GNG2: variants seen among roughly 807,000 people sequenced by gnomAD.
GNG2 encodes the protein guanine nucleotide-binding protein G(I)/G(S)/G(O) subunit gamma-2.
A neutral mutation model predicts 5.5 loss-of-function variants in GNG2; 5 were observed. The ratio of observed to expected loss-of-function variants is 0.91; its 90% CI spans 0.48 to 1.92. The LOEUF (loss-of-function observed/expected upper bound fraction) is 1.92, where lower values mean the gene tolerates loss of function less well. Among genes scored for constraint, GNG2 ranks in the 30% most tolerant of loss-of-function variants. The pLI is 0.01. For missense variants in GNG2, 55 were observed against 88.4 expected, an observed-to-expected ratio of 0.62 and a Z score of 1.52; for synonymous variants, 28 against 32.0, an observed-to-expected ratio of 0.88 and a Z score of 0.42.
intron 2 of GNG2, among the ~76,000 whole-genome samples, chr14:51,919,756 T>C (rs555511955): frequency 1.3e-5 from 2 of 152,382 alleles, no homozygotes; most frequent in South Asian, 4.1e-4. Context: ...TAATGAGCAC[T>C]GAACAACAGA....
At chr14:51,881,199 A>G (rs901425853) in intron 2 of GNG2, among the ~76,000 whole-genome samples, 4 of 152,202 alleles carry the variant, frequency 2.6e-5, no homozygotes, top group African/African-American at 4.8e-5. Flanking sequence ...AAGTTTGCCA[A>G]TGCAGCACAG....
intron 2 of GNG2, among the ~76,000 whole-genome samples, chr14:51,844,550 A>G (rs935402850): frequency 1.3e-5 from 2 of 152,058 alleles, no homozygotes; most frequent in Non-Finnish European, 2.9e-5. Context: ...AGTGTTATAT[A>G]AAGAGTTAAT....
At chr14:51,945,077 A>T (rs1888561758) in intron 2 of GNG2, among the ~76,000 whole-genome samples, 1 of 152,120 alleles carries the variant, frequency 6.6e-6, no homozygotes, top group Non-Finnish European at 1.5e-5. Flanking sequence ...CCAAAGTGAG[A>T]TACTATCTCA....
chr14:51,877,212 G>T lies in GNG2; in HGVS notation c.-70-405G>T, dbSNP rs1246095387. 1.3e-5 allele frequency among the ~76,000 whole-genome samples: 2 copies of T among 152,176 alleles called. 1 individual carries two copies. The highest frequency in any genetic ancestry group is 4.8e-5 in the African/African-American group (2 of 41,436). On this transcript the variant is annotated intron_variant, in intron 1 of 3. Coordinates refer to ENST00000556766, the MANE Select transcript of GNG2 (RefSeq NM_053064.5). ...TCCCTAATACCTGGAGCAAGAGTGT[G>T]TTGGTCTCTGCTGCTTTGGTCATGC... is the stretch of plus-strand genomic sequence containing the variant.
intron 2 of GNG2, among the ~76,000 whole-genome samples, chr14:51,838,950 T>C (rs937120497): frequency 6.6e-6 from 1 of 152,098 alleles, no homozygotes; most frequent in African/African-American, 2.4e-5. Context: ...AGTGACCCCA[T>C]AGTATGTACA....
chr14:51,868,360 A>T (rs1485914883), intron 1 of GNG2, among the ~76,000 whole-genome samples: 1 of 152,228 alleles, frequency 6.6e-6, no homozygotes, highest in Non-Finnish European at 1.5e-5. Context: ...CTCACCTCAG[A>T]GTAATTAAAT....
intron 2 of GNG2, among the ~76,000 whole-genome samples, chr14:51,854,994 C>G (rs1305787944): frequency 2.0e-5 from 3 of 152,170 alleles, no homozygotes; most frequent in Non-Finnish European, 2.9e-5. Context: ...TTACCCATCC[C>G]CTTCCTCTCC....
At position 51,933,658 on chromosome 14, in the gene GNG2, C is replaced by T. The variant is rs538126641; in HGVS notation, c.-29-16992C>T. Among the ~76,000 whole-genome samples the T allele has an allele frequency of 1.8e-4, 27 of 152,220 alleles. No individual in the cohort carries two copies. In the East Asian group the frequency reaches 5.0e-3, roughly 28 times the overall value. On this transcript the variant is annotated intron_variant, in intron 2 of 3. Transcript: ENST00000556766. ...TTGGTGAGTGAAAGAAAATGAGAGC[C>T]GCTGCTCGAGTGAAGGGGCTGCCCT...
At chr14:51,903,429 T>C (rs1243828969) in intron 2 of GNG2, among the ~76,000 whole-genome samples, 2 of 152,204 alleles carry the variant, frequency 1.3e-5, no homozygotes, top group Non-Finnish European at 2.9e-5. Flanking sequence ...CTACCATGAA[T>C]AACAAGAATT....
intron 2 of GNG2, among the ~76,000 whole-genome samples, chr14:51,831,340 G>A (rs528622912): frequency 2.0e-5 from 3 of 152,300 alleles, no homozygotes; most frequent in East Asian, 3.9e-4. Flanking sequence ...TAATCTGCAG[G>A]AGGATGGGAC....
intron 2 of GNG2, among the ~76,000 whole-genome samples, chr14:51,939,536 C>A (rs1888198210): frequency 6.6e-6 from 1 of 152,248 alleles, no homozygotes; most frequent in Admixed American, 6.5e-5. Flanking sequence ...TCTCCACCCA[C>A]ACAGCATAGA....
chr14:51,915,653 C>T (rs577418120), intron 2 of GNG2, among the ~76,000 whole-genome samples: 7 of 152,278 alleles, frequency 4.6e-5, no homozygotes, highest in Admixed American at 1.3e-4. Flanking sequence ...AGCCCTTAAA[C>T]GATTTCCCCA....
At chr14:51,950,820 T>C (rs1888932325) in intron 3 of GNG2, 55 bp downstream of exon 3, 2 of 1,028,596 alleles carry the variant, frequency 1.9e-6, no homozygotes, top group Admixed American at 5.4e-5. Context: ...GCGCATGTCA[T>C]GTGACCACTC....
At chr14:51,828,833 C>T (rs937929857) in intron 2 of GNG2, among the ~76,000 whole-genome samples, 2 of 152,222 alleles carry the variant, frequency 1.3e-5, no homozygotes, top group South Asian at 2.1e-4. Flanking sequence ...TCAGGAACAC[C>T]CCAGGGGCTC....
intron 1 of GNG2, chr14:51,873,885 C>T (rs17124696): frequency 0.099 from 15,138 of 152,156 alleles, 1,336 homozygotes; most frequent in African/African-American, 0.24. Flanking sequence ...GGACTAGGTA[C>T]GACTCCTTTA....
At chr14:51,871,983 G>A (rs910165953) in intron 1 of GNG2, among the ~76,000 whole-genome samples, 2 of 152,218 alleles carry the variant, frequency 1.3e-5, no homozygotes, top group South Asian at 4.1e-4. Flanking sequence ...GAACAGAAGT[G>A]AGGTGCATCA....
At chr14:51,856,365 C>T (rs1882157498), upstream of GNG2, among the ~76,000 whole-genome samples, 1 of 152,078 alleles carries the variant, frequency 6.6e-6, no homozygotes, top group African/African-American at 2.4e-5. Flanking sequence ...CTAGCTTATT[C>T]ATCAGTCTCT....
intron 2 of GNG2, among the ~76,000 whole-genome samples, chr14:51,918,870 G>A (rs977603406): frequency 2.0e-5 from 3 of 152,086 alleles, no homozygotes; most frequent in South Asian, 2.1e-4. Flanking sequence ...TGTCGCCCAC[G>A]CTAGAGTACA....
chr14:51,919,292 A>G (rs2140221376), intron 2 of GNG2, among the ~76,000 whole-genome samples: 1 of 152,342 alleles, frequency 6.6e-6, no homozygotes, highest in South Asian at 2.1e-4. Context: ...CTTTGTGGAT[A>G]ATAATGGAAG....
Sources: gnomAD v4.1 joint callset for allele counts (sites outside exome capture counted in the v4.1 genomes callset) on GRCh38, gnomAD v4.1.1 for gene constraint, MANE v1.5 for transcripts, NCBI Gene and HGNC (gene_info 2026-07-23, HGNC 2026-07-21) for gene names.